The following FREM3 variants were observed in gnomAD, a reference collection of about 807,000 sequenced individuals.
FREM3 encodes the protein FRAS1 related extracellular matrix 3.
A neutral mutation model predicts 129.1 loss-of-function variants in FREM3; 105 were observed. That is an observed-to-expected ratio of 0.81 (90% confidence interval 0.69 to 0.96). The LOEUF is 0.96. Among genes scored for constraint, FREM3 ranks in the 40% least tolerant of loss-of-function variants. The pLI is 0.00. For missense variants in FREM3, 2,593 were observed against 2,666.3 expected, an observed-to-expected ratio of 0.97 and a Z score of 0.61; for synonymous variants, 1,014 against 1,044.9, an observed-to-expected ratio of 0.97 and a Z score of 0.57.
intron 4 of FREM3, among the ~76,000 whole-genome samples, chr4:143,623,367 T>A (rs1433284463): frequency 6.6e-6 from 1 of 152,090 alleles, no homozygotes; most frequent in African/African-American, 2.4e-5. Context: ...GGATTCTTCA[T>A]CAAGTCTTGT....
chr4:143,680,256 C>CATAT (rs10684537), intron 2 of FREM3, among the ~76,000 whole-genome samples: 28 of 149,152 alleles, frequency 1.9e-4, no homozygotes, highest in African/African-American at 6.1e-4. Context: ...GGGAATAATG[C>CATAT]ATATATATAT....
intron 6 of FREM3, among the ~76,000 whole-genome samples, chr4:143,591,856 T>C (rs1207126048): frequency 6.6e-6 from 1 of 152,196 alleles, no homozygotes; most frequent in Non-Finnish European, 1.5e-5. Flanking sequence ...AGTCTCCCAT[T>C]ATTATTGTGT....
At chr4:143,641,802 A>C (rs137911289) in intron 2 of FREM3, among the ~76,000 whole-genome samples, 1 of 152,204 alleles carries the variant, frequency 6.6e-6, no homozygotes, top group Non-Finnish European at 1.5e-5. Flanking sequence ...TCCTTTTTCT[A>C]GAAATAAAAA....
intron 6 of FREM3, among the ~76,000 whole-genome samples, chr4:143,596,964 G>A (rs1052444883): frequency 6.6e-5 from 10 of 151,932 alleles, no homozygotes; most frequent in Admixed American, 5.9e-4. Flanking sequence ...AGCTAGGGCT[G>A]GAGATAAGAT....
intron 6 of FREM3, among the ~76,000 whole-genome samples, chr4:143,589,493 A>G (rs1172071550): frequency 4.6e-5 from 7 of 152,170 alleles, no homozygotes; most frequent in Middle Eastern, 3.2e-3. Context: ...TTTATTAAAT[A>G]GGGAATCCTT....
intron 2 of FREM3, among the ~76,000 whole-genome samples, chr4:143,684,797 T>C (rs911086624): frequency 2.0e-5 from 3 of 152,206 alleles, no homozygotes; most frequent in African/African-American, 4.8e-5. Context: ...GGGAAATAGA[T>C]AGCTTAGAGA....
chr4:143,621,031 T>C lies in FREM3; in HGVS notation c.5779+6A>G. The C allele has an allele frequency of 6.5e-7, 1 of 1,537,244 alleles. No individual in the cohort carries two copies. The highest frequency in any genetic ancestry group is 8.7e-7 in the Non-Finnish European group (1 of 1,146,772). On this transcript the variant is annotated splice_donor_region_variant and intron_variant, in intron 5 of 7. Coordinates refer to ENST00000329798, the MANE Select transcript of FREM3 (RefSeq NM_001168235.2). ...CCTATGAACAGGACCCCACAGAGCCTCATACCTTGACGTGTGGAGCAAATG... is the reference window on the plus strand; with the variant it reads ...CCTATGAACAGGACCCCACAGAGCCCCATACCTTGACGTGTGGAGCAAATG...
intron 2 of FREM3, among the ~76,000 whole-genome samples, chr4:143,643,625 CAGAG>C (rs201478543): frequency 0.011 from 1,602 of 151,774 alleles, 10 homozygotes; most frequent in Non-Finnish European, 0.015. Flanking sequence ...GTCATAGAAA[CAGAG>C]AGCAGAACAG....
At chr4:143,685,523 G>A (rs1740344548) in intron 2 of FREM3, among the ~76,000 whole-genome samples, 1 of 152,052 alleles carries the variant, frequency 6.6e-6, no homozygotes. Context: ...ACAAATCCTG[G>A]AAACACATCA....
intron 2 of FREM3, among the ~76,000 whole-genome samples, chr4:143,662,612 A>T (rs1739757498): frequency 1.3e-5 from 2 of 151,686 alleles, no homozygotes; most frequent in Admixed American, 1.3e-4. Flanking sequence ...CTTGGTGCAG[A>T]GCTGAGTTCA....
chr4:143,595,757 A>G (rs6837174), intron 6 of FREM3, among the ~76,000 whole-genome samples: 9,067 of 152,158 alleles, frequency 0.06, 560 homozygotes, highest in African/African-American at 0.16. Context: ...GTGTGGTGGC[A>G]GGCTCCTGTA....
intron 2 of FREM3, among the ~76,000 whole-genome samples, chr4:143,647,769 G>T (rs1002214164): frequency 6.6e-6 from 1 of 152,170 alleles, no homozygotes; most frequent in East Asian, 1.9e-4. Context: ...GCAGAAGTTT[G>T]CTGTGGATGT....
chr4:143,647,403 G>A (rs1739438036), intron 2 of FREM3, among the ~76,000 whole-genome samples: 1 of 152,320 alleles, frequency 6.6e-6, no homozygotes, highest in Admixed American at 6.5e-5. Context: ...CCAAATGTTA[G>A]TCACCAAGAC....
intron 2 of FREM3, among the ~76,000 whole-genome samples, chr4:143,688,225 A>T (rs946881503): frequency 1.3e-5 from 2 of 152,214 alleles, no homozygotes; most frequent in African/African-American, 4.8e-5. Context: ...AACAGCTACC[A>T]AGTGGAGAAT....
chr4:143,603,384 C>T (rs939465163), intron 6 of FREM3, among the ~76,000 whole-genome samples: 3 of 152,154 alleles, frequency 2.0e-5, no homozygotes, highest in African/African-American at 7.2e-5. Flanking sequence ...TACATTTTCT[C>T]AGATTTCTGG....
chr4:143,699,861 A>G lies in FREM3; in HGVS notation c.815T>C (p.Leu272Pro). 6.5e-7 allele frequency: 1 copy of G among 1,536,652 alleles called. No homozygotes were observed. Among genetic ancestry groups the G allele is most frequent in the South Asian group, 1.2e-5 (1 of 84,062 alleles). ...RDYVPMMVEL[L>P]GPEGQDAGSA... Reference sequence around the variant, plus strand: ...CCCAGCGTCTTGGCCCTCAGGCCCCAGCAGCTCCACCATCATGGGCACGTA... The same window carrying G: ...CCCAGCGTCTTGGCCCTCAGGCCCCGGCAGCTCCACCATCATGGGCACGTA... Residue 272 changes from leucine to proline, a missense_variant, in exon 1 of 8, where the codon CTG (leucine) becomes CCG (proline). Leu to Pro is a moderately conservative substitution (Grantham distance 98). Coordinates refer to ENST00000329798, the MANE Select transcript of FREM3 (RefSeq NM_001168235.2). This position sits in a 1 kb window ranked among gnomAD's most constrained non-coding sequence, Gnocchi z 4.2.
chr4:143,692,567 T>C (rs753463235), intron 2 of FREM3, among the ~76,000 whole-genome samples: 1 of 152,178 alleles, frequency 6.6e-6, no homozygotes, highest in Non-Finnish European at 1.5e-5. Flanking sequence ...TGCCCATTAT[T>C]CTACTTTGAA....
intron 2 of FREM3, among the ~76,000 whole-genome samples, chr4:143,671,560 A>C (rs561950514): frequency 6.6e-5 from 10 of 152,278 alleles, no homozygotes; most frequent in Admixed American, 5.9e-4. Flanking sequence ...GGCAGGAAAG[A>C]AAACTTTTGT....
intron 2 of FREM3, among the ~76,000 whole-genome samples, chr4:143,680,368 A>C (rs1740228385): frequency 6.6e-6 from 1 of 151,978 alleles, no homozygotes. Flanking sequence ...TTAACAGTAC[A>C]TTCTGAACCT....
Sources: gnomAD v4.1 joint callset for allele counts (sites outside exome capture counted in the v4.1 genomes callset) on GRCh38, gnomAD v4.1.1 for gene constraint, Gnocchi (gnomAD v3.1) non-coding constraint, MANE v1.5 for transcripts, NCBI Gene and HGNC (gene_info 2026-07-23, HGNC 2026-07-21) for gene names.